Variants in ACTN4 observed in about 807,000 individuals in gnomAD.
The protein encoded by ACTN4 is actinin alpha 4.
A neutral mutation model predicts 114.2 loss-of-function variants in ACTN4; 18 were observed. The observed-to-expected ratio is 0.16, with a 90% CI of 0.11 to 0.23. The LOEUF (loss-of-function observed/expected upper bound fraction) is 0.23. ACTN4 is among the 10% of genes least tolerant of loss of function. The pLI is 1.00. For missense variants in ACTN4, 722 were observed against 1,262.9 expected (o/e 0.57, Z 6.49); for synonymous variants, 515 against 506.3 (o/e 1.02, Z -0.23).
chr19:38,662,780 A>G (rs1011474458), intron 1 of ACTN4, among the ~76,000 whole-genome samples: 1 of 152,166 alleles, frequency 6.6e-6, no homozygotes, highest in South Asian at 2.1e-4. Flanking sequence ...TGCTGCAGAT[A>G]GGAAAGTCTG....
At chr19:38,674,029 C>T (rs893528317) in intron 1 of ACTN4, among the ~76,000 whole-genome samples, 3 of 151,866 alleles carry the variant, frequency 2.0e-5, no homozygotes, top group Non-Finnish European at 4.4e-5. Flanking sequence ...ATCTACCCGC[C>T]TCGGCCTCCC....
intron 9 of ACTN4, among the ~76,000 whole-genome samples, chr19:38,715,866 C>T (rs1007396865): frequency 1.2e-4 from 19 of 152,178 alleles, no homozygotes; most frequent in Admixed American, 7.9e-4. Context: ...CCAGCTTGTC[C>T]GTGCTGGCAG....
At chr19:38,728,307 T>C (rs1599864813) in intron 19 of ACTN4, 1 of 1,517,580 alleles carries the variant, frequency 6.6e-7, no homozygotes, top group African/African-American at 1.4e-5. Flanking sequence ...GCCTGCGTCC[T>C]CGGAGCAGAA....
chr19:38,676,192 G>A (rs1489449776), intron 1 of ACTN4, among the ~76,000 whole-genome samples: 1 of 152,208 alleles, frequency 6.6e-6, no homozygotes, highest in Non-Finnish European at 1.5e-5. Context: ...AAGAACTAAT[G>A]CCATAGAGAT....
chr19:38,679,568 C>CGTGCGTGTGT (rs149048298), intron 1 of ACTN4, among the ~76,000 whole-genome samples: 8 of 145,524 alleles, frequency 5.5e-5, no homozygotes, highest in South Asian at 2.2e-4. Context: ...TTTGGGTGTG[C>CGTGCGTGTGT]GTGTGTGTGT....
intron 1 of ACTN4, among the ~76,000 whole-genome samples, chr19:38,664,166 TC>T (rs1896161834): frequency 1.3e-5 from 2 of 152,170 alleles, no homozygotes; most frequent in Non-Finnish European, 2.9e-5. Flanking sequence ...TGTGCTGCCT[TC>T]AGTTTATTCC....
chr19:38,650,349 C>T (rs1199618524), intron 1 of ACTN4, among the ~76,000 whole-genome samples: 1 of 152,038 alleles, frequency 6.6e-6, no homozygotes, highest in Non-Finnish European at 1.5e-5. Context: ...GAGGCTGGGG[C>T]ACCATTCAGG....
intron 1 of ACTN4, among the ~76,000 whole-genome samples, chr19:38,663,980 C>T (rs1193512418): frequency 1.3e-5 from 2 of 152,232 alleles, no homozygotes; most frequent in African/African-American, 4.8e-5. Flanking sequence ...CAAGGGTCTC[C>T]CCAAGCCCTG....
intron 12 of ACTN4, 57 bp downstream of exon 12, chr19:38,721,745 C>A (rs764008599): frequency 6.2e-7 from 1 of 1,602,366 alleles, no homozygotes; most frequent in Non-Finnish European, 8.5e-7. Context: ...CCTGCCCAGA[C>A]TGGTGGCGGC....
chr19:38,667,957 T>G (rs1967015303), intron 1 of ACTN4, among the ~76,000 whole-genome samples: 1 of 152,204 alleles, frequency 6.6e-6, no homozygotes, highest in Admixed American at 6.5e-5. Context: ...GCAAGCTGGC[T>G]TCCTATTTAT....
At chr19:38,678,802 C>T (rs1363525685) in intron 1 of ACTN4, among the ~76,000 whole-genome samples, 3 of 152,160 alleles carry the variant, frequency 2.0e-5, no homozygotes, top group Non-Finnish European at 4.4e-5. Context: ...CCTGGGACCT[C>T]GCTCTGTTCG....
chr19:38,699,185 G>A (rs1371053693), intron 1 of ACTN4, among the ~76,000 whole-genome samples: 1 of 152,226 alleles, frequency 6.6e-6, no homozygotes, highest in African/African-American at 2.4e-5. Flanking sequence ...GAGATCTTCT[G>A]TGGCCCTGAT....
intron 19 of ACTN4, 54 bp downstream of exon 19, chr19:38,728,080 TCTCC>T (rs1321703932): frequency 3.4e-5 from 52 of 1,546,006 alleles, no homozygotes; most frequent in Admixed American, 1.3e-4. Context: ...TCTCTCTCTC[TCTCC>T]TTCTCTCTTT....
intron 1 of ACTN4, among the ~76,000 whole-genome samples, chr19:38,667,963 T>G (rs1373401321): frequency 6.6e-6 from 1 of 152,192 alleles, no homozygotes; most frequent in African/African-American, 2.4e-5. Context: ...TGGCTTCCTA[T>G]TTATACGGCG....
intron 1 of ACTN4, among the ~76,000 whole-genome samples, chr19:38,656,275 A>C (rs1033797347): frequency 6.6e-6 from 1 of 152,006 alleles, no homozygotes; most frequent in Non-Finnish European, 1.5e-5. Flanking sequence ...ACCACGCCTG[A>C]CTGATTTTTG....
At chr19:38,696,072 A>T (rs1306423966) in intron 1 of ACTN4, among the ~76,000 whole-genome samples, 1 of 152,204 alleles carries the variant, frequency 6.6e-6, no homozygotes, top group Non-Finnish European at 1.5e-5. Flanking sequence ...TGACAGAATT[A>T]GTAAGTGACC....
intron 1 of ACTN4, among the ~76,000 whole-genome samples, chr19:38,667,508 C>T (rs756242552): frequency 6.6e-6 from 1 of 152,126 alleles, no homozygotes; most frequent in Non-Finnish European, 1.5e-5. Context: ...TTTTGCTCAT[C>T]AAAATGCTGC....
chr19:38,685,972 A>G (rs889907154), intron 1 of ACTN4, among the ~76,000 whole-genome samples: 8 of 152,196 alleles, frequency 5.3e-5, no homozygotes, highest in African/African-American at 1.9e-4. Flanking sequence ...TCATTTGAAT[A>G]CTAGCAAAAA....
In ACTN4 at chr19:38,731,373, C is replaced by A; in HGVS notation, c.*1941C>A. 7 of 649,520 alleles carry A rather than the reference C, an allele frequency of 1.1e-5. No homozygotes were observed. The highest frequency in any genetic ancestry group is 2.0e-5 in the Non-Finnish European group (7 of 358,352). 40.2% of individuals were successfully genotyped at this position (649,520 alleles called of 1,614,324 possible). On this transcript the variant is annotated 3_prime_UTR_variant, in exon 21 of 21. Transcript: ENST00000252699. Reference sequence around the variant, plus strand: ...CCCGGCAGGGTGAGTACAGGCTGATCCCTTCAATCCTCTGGGCCTGTTTCC... The same window carrying A: ...CCCGGCAGGGTGAGTACAGGCTGATACCTTCAATCCTCTGGGCCTGTTTCC...
Sources: gnomAD v4.1 joint callset for allele counts (sites outside exome capture counted in the v4.1 genomes callset) on GRCh38, gnomAD v4.1.1 for gene constraint, MANE v1.5 for transcripts, NCBI Gene and HGNC (gene_info 2026-07-23, HGNC 2026-07-21) for gene names.